The following ZFR variants were observed in gnomAD, a reference collection of about 807,000 sequenced individuals.
The protein encoded by ZFR is zinc finger RNA binding protein.
Under a neutral mutation model 130.7 loss-of-function variants are expected in ZFR, and 19 were observed. The observed-to-expected ratio is 0.15, with a 90% confidence interval of 0.10 to 0.21. The LOEUF is 0.21. Ranked by LOEUF, ZFR falls within the 10% of genes least tolerant of loss-of-function variation. The probability of loss-of-function intolerance (pLI) is 1.00; values close to 1 mark genes in which losing one functional copy is unlikely to be tolerated. For missense variants in ZFR, 872 were observed against 1,321.5 expected, an observed-to-expected ratio of 0.66 and a Z score of 5.27; for synonymous variants, 466 against 456.9, an observed-to-expected ratio of 1.02 and a Z score of -0.25.
At chr5:32,373,978 T>C (rs766903845) in intron 17 of ZFR, among the ~76,000 whole-genome samples, 3 of 152,128 alleles carry the variant, frequency 2.0e-5, no homozygotes, top group African/African-American at 7.2e-5. Flanking sequence ...CCCTGTGAAG[T>C]GCATGGGTGA....
intron 3 of ZFR, among the ~76,000 whole-genome samples, chr5:32,418,565 AAGT>A (rs1178161045): frequency 6.6e-6 from 1 of 152,194 alleles, no homozygotes; most frequent in Non-Finnish European, 1.5e-5. Flanking sequence ...GAAATGGCTG[AAGT>A]AGCAGGTAGG....
At chr5:32,442,783 A>G (rs768624497) in intron 2 of ZFR, among the ~76,000 whole-genome samples, 12 of 152,194 alleles carry the variant, frequency 7.9e-5, no homozygotes, top group Non-Finnish European at 1.6e-4. Context: ...TTAGGATGCC[A>G]TGGAAAACAG....
chr5:32,364,158 A>G lies in ZFR; in HGVS notation c.2947+6T>C. 1 of 1,607,472 alleles carries G rather than the reference A, an allele frequency of 6.2e-7. No homozygotes were observed. Among genetic ancestry groups the G allele is most frequent in the Non-Finnish European group, 8.5e-7 (1 of 1,175,088 alleles). ...TTTACTTCATTAAAAACAAAGTAAG[A>G]GTTACCTTTAAGAATAATCCCTGAA... On this transcript the variant is annotated splice_donor_region_variant and intron_variant, in intron 18 of 19. Transcript: ENST00000265069.
chr5:32,391,385 AT>A (rs1753171900), intron 11 of ZFR, among the ~76,000 whole-genome samples: 1 of 152,198 alleles, frequency 6.6e-6, no homozygotes. Flanking sequence ...GGTCATCAGG[AT>A]TTTTGTGAAA....
intron 10 of ZFR, among the ~76,000 whole-genome samples, chr5:32,396,616 TA>T (rs1168190476): frequency 2.0e-5 from 3 of 151,980 alleles, no homozygotes; most frequent in Admixed American, 6.6e-5. Context: ...TGCATGCCTG[TA>T]ATCCCAGCTA....
chr5:32,377,219 TCTCTCTCTCTCTCTC>T (rs963926153), intron 17 of ZFR, among the ~76,000 whole-genome samples: 36 of 149,852 alleles, frequency 2.4e-4, no homozygotes, highest in Non-Finnish European at 2.8e-4. Flanking sequence ...TCTCTTTCTC[TCTCTCTCTCTCTCTC>T]CTCTCTCTCT....
At chr5:32,440,023 G>C (rs749016286) in intron 2 of ZFR, among the ~76,000 whole-genome samples, 1 of 152,040 alleles carries the variant, frequency 6.6e-6, no homozygotes, top group Non-Finnish European at 1.5e-5. Flanking sequence ...AAACTATTAG[G>C]AAGTTTTTTC....
intron 6 of ZFR, 135 bp downstream of exon 6, chr5:32,406,639 A>G (rs1404723102): frequency 8.0e-7 from 1 of 1,244,444 alleles, no homozygotes; most frequent in Admixed American, 3.4e-5. Context: ...GCCACAATAC[A>G]AGTAACTTAA....
rs184687329 is a variant in ZFR, at chr5:32,422,039, A to G, written c.138-1936T>C. On this transcript the variant is annotated intron_variant, in intron 2 of 19. Coordinates refer to ENST00000265069, the MANE Select transcript of ZFR (RefSeq NM_016107.5). ...AACATTTACTAACAGGATAAGATTA[A>G]ATACATCCAGACTAAACCACCTAAG... Among the ~76,000 whole-genome samples the G allele has an allele frequency of 4.5e-4, 68 of 152,256 alleles. 1 individual carries two copies. Among genetic ancestry groups the G allele is most frequent in the Non-Finnish European group, 8.2e-4 (56 of 68,020 alleles).
intron 10 of ZFR, 47 bp downstream of exon 10, chr5:32,397,172 T>G: frequency 1.3e-6 from 2 of 1,556,544 alleles, no homozygotes; most frequent in Non-Finnish European, 1.7e-6. Flanking sequence ...GGTGTTTTTG[T>G]TTTTGTTTTT....
intron 17 of ZFR, among the ~76,000 whole-genome samples, chr5:32,370,270 T>C (rs1581681211): frequency 6.6e-6 from 1 of 151,090 alleles, no homozygotes; most frequent in South Asian, 2.1e-4. Flanking sequence ...TAGGACACTG[T>C]CTAGAAATAA....
At chr5:32,409,866 T>C (rs930017336) in intron 5 of ZFR, among the ~76,000 whole-genome samples, 1 of 152,082 alleles carries the variant, frequency 6.6e-6, no homozygotes, top group African/African-American at 2.4e-5. Flanking sequence ...TAGCCAAGCG[T>C]GGTGGTGTGC....
intron 5 of ZFR, among the ~76,000 whole-genome samples, chr5:32,411,145 C>T (rs1212277642): frequency 6.6e-6 from 1 of 152,172 alleles, no homozygotes; most frequent in Non-Finnish European, 1.5e-5. Flanking sequence ...TGTGACATGG[C>T]TGACCGTGAC....
In ZFR at chr5:32,444,686, G is replaced by A; in HGVS notation, c.-28C>T. 2 of 1,505,820 alleles carry A rather than the reference G, an allele frequency of 1.3e-6. No individual in the cohort carries two copies. The highest frequency in any genetic ancestry group is 1.3e-5 in the South Asian group (1 of 78,990). The allele number at this position is 1,505,820 out of a possible 1,614,324, so 93.3% of individuals were successfully genotyped here. A position where few individuals can be genotyped will look rare whatever the true frequency, so the allele number is the denominator to read the frequency against. ...GCTCGGGCTGCTGCTGCTGAACTCT[G>A]AACTCTCACCCGCTGCCTCCCTCCT... is the stretch of plus-strand genomic sequence containing the variant. On this transcript the variant is annotated 5_prime_UTR_variant, in exon 1 of 20. Transcript: ENST00000265069.
chr5:32,355,841 C>T lies in ZFR; in HGVS notation c.3144G>A (p.Arg1048=). The T allele has an allele frequency of 6.2e-7, 1 of 1,610,400 alleles. No homozygotes were observed. Among genetic ancestry groups the T allele is most frequent in the Non-Finnish European group, 8.5e-7 (1 of 1,178,714 alleles). ...MSQRFNIHNN[R]KRRRDSDGVD... The stretch of plus-strand genomic sequence containing the variant: ...CTCCATCACTATCTCTTCTTCGTTT[C>T]CTGTTGTTGTGGATGTTAAAACGTT... Residue 1048 remains arginine, a synonymous_variant, in exon 20 of 20, where the codon AGG becomes AGA. Transcript: ENST00000265069.
At chr5:32,401,264 A>G (rs979858311) in intron 8 of ZFR, among the ~76,000 whole-genome samples, 2 of 152,226 alleles carry the variant, frequency 1.3e-5, no homozygotes, top group South Asian at 2.1e-4. Flanking sequence ...AGTAAAGAGA[A>G]GACAATGTAG....
chr5:32,378,931 T>A (rs868866405), intron 17 of ZFR, among the ~76,000 whole-genome samples, 184 bp downstream of exon 17: 2 of 151,990 alleles, frequency 1.3e-5, no homozygotes, highest in African/African-American at 2.4e-5. Flanking sequence ...CAATGAAAAT[T>A]CTTTAATTAG....
At position 32,403,429 on chromosome 5, in the gene ZFR, A is replaced by G. The variant is rs534431320; in HGVS notation, c.1225-32T>C. On this transcript the variant is annotated intron_variant, in intron 7 of 19. Coordinates refer to ENST00000265069, the MANE Select transcript of ZFR (RefSeq NM_016107.5). ...AACAAAAGCACACTTATTTGTCAGG[A>G]AACTCAAATAGATTTTGAAAAGTCT... The G allele has an allele frequency of 4.4e-6, 7 of 1,590,220 alleles. No homozygotes were observed. The South Asian group carries it at 7.9e-5, about 18-fold the overall frequency.
chr5:32,425,134 A>C (rs1295739780), intron 2 of ZFR, among the ~76,000 whole-genome samples: 1 of 152,260 alleles, frequency 6.6e-6, no homozygotes, highest in Non-Finnish European at 1.5e-5. Context: ...GATAAGTTAC[A>C]AAATAGCAAA....
Sources: allele counts gnomAD v4.1 joint callset (sites outside exome capture counted in the v4.1 genomes callset), GRCh38; gene constraint gnomAD v4.1.1; transcripts MANE v1.5; gene names NCBI Gene and HGNC (gene_info 2026-07-23, HGNC 2026-07-21).